The following CROCC2 variants were observed in gnomAD, a reference collection of about 807,000 sequenced individuals.
CROCC2 encodes the protein ciliary rootlet coiled-coil protein 2.
In CROCC2, 163 loss-of-function variants were observed where a neutral mutation model predicts 177.6. The observed-to-expected ratio is 0.92, with a 90% CI of 0.81 to 1.05. The LOEUF (loss-of-function observed/expected upper bound fraction) is 1.05. Ranked by LOEUF, CROCC2 falls within the 50% of genes least tolerant of loss-of-function variation. The pLI, the probability that CROCC2 is intolerant of heterozygous loss-of-function variation, is 0.00. For synonymous variants in CROCC2, 904 were observed against 787.3 expected (o/e 1.15, Z -2.48); for missense variants, 1,929 against 1,797.8 (o/e 1.07, Z -1.32).
chr2:240,970,052 A>G (rs902297022), intron 27 of CROCC2, among the ~76,000 whole-genome samples: 1 of 152,126 alleles, frequency 6.6e-6, no homozygotes, highest in African/African-American at 2.4e-5. Flanking sequence ...TTTTAAATCA[A>G]CCTTTACAAA....
At chr2:240,988,162 A>G (rs2059852730) in intron 28 of CROCC2, among the ~76,000 whole-genome samples, 1 of 152,112 alleles carries the variant, frequency 6.6e-6, no homozygotes, top group Non-Finnish European at 1.5e-5. Flanking sequence ...CCTGACCTGT[A>G]CCCATGGGGT....
At chr2:240,988,914 C>A (rs1438097248) in intron 29 of CROCC2, 44 bp downstream of exon 29, 4 of 1,357,760 alleles carry the variant, frequency 2.9e-6, no homozygotes, top group South Asian at 3.9e-5. Flanking sequence ...GGCCTGGGGG[C>A]AGACCTGGGG....
rs554628421 is a variant in CROCC2 at position 240,931,067 on chromosome 2, G to T, written c.886G>T (p.Ala296Ser). ...STLGQQLRDK[A>S]GEMLQLQGRW... is the part of the protein sequence containing the mutation. The stretch of plus-strand genomic sequence containing the variant: ...CCTGGGGCAGCAGCTTCGGGACAAG[G>T]CTGGGGAGATGCTGCAGCTGCAGGG... Residue 296 changes from alanine to serine, a missense_variant, in exon 7 of 32, where the codon GCT (alanine) becomes TCT (serine). Ala to Ser is a moderately conservative substitution (Grantham distance 99). Coordinates refer to ENST00000690015, the MANE Select transcript of CROCC2 (RefSeq NM_001351305.2). 1.6e-4 allele frequency: 115 copies of T among 716,374 alleles called. 1 individual carries two copies. Among genetic ancestry groups the T allele is most frequent in the Non-Finnish European group, 6.5e-5 (25 of 384,660 alleles). 44.4% of individuals were successfully genotyped at this position (716,374 alleles called of 1,614,324 possible).
intron 20 of CROCC2, 64 bp from the exon 21 acceptor site, chr2:240,963,492 C>G: frequency 1.4e-6 from 2 of 1,426,070 alleles, no homozygotes; most frequent in Non-Finnish European, 1.9e-6. Context: ...GGCCACAGGC[C>G]CCTGTGGCTA....
chr2:240,983,671 C>T (rs1424798132), intron 28 of CROCC2: 5 of 1,241,678 alleles, frequency 4.0e-6, no homozygotes, highest in South Asian at 2.5e-5. Context: ...CCCACGCATG[C>T]TTCTGTGTCC....
Position 240,972,598 on chromosome 2 carries a change from G to A in CROCC2, c.4401+4336G>A, listed in dbSNP as rs1471895113. On this transcript the variant is annotated intron_variant, in intron 27 of 31. Transcript: ENST00000690015. This position sits in a 1 kb window ranked among gnomAD's most constrained non-coding sequence, Gnocchi z 7.1. The stretch of plus-strand genomic sequence containing the variant: ...GGTCTCCACAATGAGTGCAGAGGAC[G>A]TCTCTGACATTGACCAGACCTTTGT... 2.0e-5 allele frequency among the ~76,000 whole-genome samples: 3 copies of A among 151,900 alleles called. No homozygotes were observed. The highest frequency in any genetic ancestry group is 4.8e-5 in the African/African-American group (2 of 41,346).
chr2:240,932,481 G>A (rs747684555), intron 8 of CROCC2, 67 bp downstream of exon 8: 7 of 712,838 alleles, frequency 9.8e-6, no homozygotes, highest in Middle Eastern at 2.3e-4. Context: ...AGTCTCCCCT[G>A]CCACAGGAAG....
At position 240,953,836 on chromosome 2, in the gene CROCC2, A is replaced by G. The variant is rs1395773724; in HGVS notation, c.2830-2023A>G. Among the ~76,000 whole-genome samples, 1 of 152,182 alleles carries G rather than the reference A, an allele frequency of 6.6e-6. No individual in the cohort carries two copies. The highest frequency in any genetic ancestry group is 1.5e-5 in the Non-Finnish European group (1 of 68,034). On this transcript the variant is annotated intron_variant, in intron 18 of 31. Transcript: ENST00000690015. This position sits in a 1 kb window ranked among gnomAD's most constrained non-coding sequence, Gnocchi z 4.0. ...GGGGCTGTCTCCACTGGAACCCTCC[A>G]TTCTCCGACCCGCTGTGTCTGAATG...
At chr2:240,968,387 T>G in intron 27 of CROCC2, 125 bp downstream of exon 27, 1 of 1,268,128 alleles carries the variant, frequency 7.9e-7, no homozygotes. Context: ...AGGGCTTCTG[T>G]GGGTGTTCGG....
chr2:240,962,074 TCACACTCACACACACA>T (rs1280686622), intron 20 of CROCC2, among the ~76,000 whole-genome samples: 2 of 108,888 alleles, frequency 1.8e-5, no homozygotes, highest in Non-Finnish European at 3.8e-5. Context: ...TCACACGCAC[TCACACTCACACACACA>T]CACACACTCT....
chr2:240,963,240 G>A lies in CROCC2; in HGVS notation c.3088-316G>A, dbSNP rs1176175667. On this transcript the variant is annotated intron_variant, in intron 20 of 31. Transcript: ENST00000690015. ...ACAGTGCAGACACGTGTGCTGAGCC[G>A]CATCCCAGGTAGGCCTTGCTTACCA... 11 of 403,854 alleles carry A rather than the reference G, an allele frequency of 2.7e-5. No homozygotes were observed. In the East Asian group the frequency reaches 3.0e-4, roughly 11 times the overall value. 25.0% of individuals were successfully genotyped at this position (403,854 alleles called of 1,614,324 possible). A position where few individuals can be genotyped will look rare whatever the true frequency, so the allele number is the denominator to read the frequency against.
intron 27 of CROCC2, among the ~76,000 whole-genome samples, chr2:240,968,891 G>A (rs2059703135): frequency 6.6e-6 from 1 of 152,146 alleles, no homozygotes; most frequent in Admixed American, 6.5e-5. Flanking sequence ...CAGTGCTGGT[G>A]GGGAGCCCCA....
rs1014511160 is a variant in CROCC2 at position 240,968,027 on chromosome 2, CCA to C, written c.4268-100_4268-99del. ...GAGCTGCAAGGATGGACCCCCACCT[CCA>C]CGTGGGAGCCAGTCACTCAAGTCCA... On this transcript the variant is annotated intron_variant, in intron 26 of 31. Transcript: ENST00000690015. The C allele has an allele frequency of 1.3e-5, 16 of 1,226,712 alleles. No individual in the cohort carries two copies. In the African/African-American group the frequency reaches 2.5e-4, roughly 19 times the overall value. 76.0% of individuals were successfully genotyped at this position (1,226,712 alleles called of 1,614,324 possible).
At position 240,965,527 on chromosome 2, in the gene CROCC2, G is replaced by T. The variant is rs778860926; in HGVS notation, c.3603+9G>T. ...AGGGTGCCCGGAAGGAGGTGGGAGGGCTGCCTGTGGTCAGAAGGGAAGGAG... is the reference window on the plus strand; with the variant it reads ...AGGGTGCCCGGAAGGAGGTGGGAGGTCTGCCTGTGGTCAGAAGGGAAGGAG... On this transcript the variant is annotated intron_variant, in intron 23 of 31. Coordinates refer to ENST00000690015, the MANE Select transcript of CROCC2 (RefSeq NM_001351305.2). The T allele has an allele frequency of 6.5e-7, 1 of 1,550,226 alleles. No individual in the cohort carries two copies. Among genetic ancestry groups the T allele is most frequent in the South Asian group, 1.2e-5 (1 of 84,030 alleles).
Position 240,953,799 on chromosome 2 carries a change from G to A in CROCC2, c.2830-2060G>A, listed in dbSNP as rs989814165. Among the ~76,000 whole-genome samples, 12 of 103,282 alleles carry A rather than the reference G, an allele frequency of 1.2e-4. No individual in the cohort carries two copies. The highest frequency in any genetic ancestry group is 2.7e-4 in the South Asian group (1 of 3,660). 67.8% of individuals were successfully genotyped at this position (103,282 alleles called of 152,430 possible). On this transcript the variant is annotated intron_variant, in intron 18 of 31. Transcript: ENST00000690015. This position sits in a 1 kb window ranked among gnomAD's most constrained non-coding sequence, Gnocchi z 4.0. ...GAGCAAGAGCCAAAGACCTGGAGCC[G>A]CTGGCCCAGGAGGGGCTGTCTCCAC...
Position 240,964,589 on chromosome 2 carries a change from G to T in CROCC2, c.3429G>T (p.Gly1143=), listed in dbSNP as rs1337108805. 6.5e-7 allele frequency: 1 copy of T among 1,549,526 alleles called. No homozygotes were observed. Among genetic ancestry groups the T allele is most frequent in the South Asian group, 1.2e-5 (1 of 83,992 alleles). Residue 1143 remains glycine (G), a synonymous_variant, in exon 22 of 32, where the codon GGG becomes GGT. Coordinates refer to ENST00000690015, the MANE Select transcript of CROCC2 (RefSeq NM_001351305.2). ...AHLWELEQAG[G]DARQELRELH... is the part of the protein sequence containing the mutation. ...TGTGGGAGCTGGAGCAGGCAGGGGG[G>T]GACGCCCGTCAGGAGCTCCGGGAAC...
At position 240,949,712 on chromosome 2, in the gene CROCC2, C is replaced by T; in HGVS notation, c.2652+10C>T. 1 of 1,532,466 alleles carries T rather than the reference C, an allele frequency of 6.5e-7. No individual in the cohort carries two copies. The highest frequency in any genetic ancestry group is 1.2e-5 in the South Asian group (1 of 83,474). The allele number at this position is 1,532,466 out of a possible 1,614,324, so 94.9% of individuals were successfully genotyped here. A position where few individuals can be genotyped will look rare whatever the true frequency, so the allele number is the denominator to read the frequency against. On this transcript the variant is annotated intron_variant, in intron 17 of 31. Coordinates refer to ENST00000690015, the MANE Select transcript of CROCC2 (RefSeq NM_001351305.2). The surrounding 1 kb of genome is among the most constrained non-coding windows in gnomAD (Gnocchi z 4.5). ...GCTCCAAAGGGAGAAGGTCTGCTTCCCAGGAGCCCACCAGTAGCTTCCTAG... is the reference window on the plus strand; with the variant it reads ...GCTCCAAAGGGAGAAGGTCTGCTTCTCAGGAGCCCACCAGTAGCTTCCTAG...
Position 240,949,745 on chromosome 2 carries a change from C to T in CROCC2, c.2652+43C>T, listed in dbSNP as rs1258319483. ...CCACCAGTAGCTTCCTAGAAGGCTACCAGGTCCCGGGGAATGGCAGGCCCT... is the reference window on the plus strand; with the variant it reads ...CCACCAGTAGCTTCCTAGAAGGCTATCAGGTCCCGGGGAATGGCAGGCCCT... On this transcript the variant is annotated intron_variant, in intron 17 of 31. Transcript: ENST00000690015. This position sits in a 1 kb window ranked among gnomAD's most constrained non-coding sequence, Gnocchi z 4.5. 1 of 1,503,882 alleles carries T rather than the reference C, an allele frequency of 6.6e-7. No individual in the cohort carries two copies. Among genetic ancestry groups the T allele is most frequent in the Non-Finnish European group, 8.9e-7 (1 of 1,119,310 alleles). 93.2% of individuals were successfully genotyped at this position (1,503,882 alleles called of 1,614,324 possible).
chr2:240,916,400 C>T lies in CROCC2; in HGVS notation c.79-2326C>T, dbSNP rs868062998. 1.2e-3 allele frequency among the ~76,000 whole-genome samples: 126 copies of T among 103,800 alleles called. No individual in the cohort carries two copies. In the South Asian group the frequency reaches 0.026, roughly 22 times the overall value. 68.1% of individuals were successfully genotyped at this position (103,800 alleles called of 152,430 possible). A position where few individuals can be genotyped will look rare whatever the true frequency, so the allele number is the denominator to read the frequency against. On this transcript the variant is annotated intron_variant, in intron 1 of 31. Transcript: ENST00000690015. Reference sequence around the variant, plus strand: ...TCCCCCTGCGCCCCCCTGCTCGCCCCCTCCTTCCCCGGTGCCCCCCGCCCA... The same window carrying T: ...TCCCCCTGCGCCCCCCTGCTCGCCCTCTCCTTCCCCGGTGCCCCCCGCCCA...
Sources: gnomAD v4.1 joint callset for allele counts (sites outside exome capture counted in the v4.1 genomes callset) on GRCh38, gnomAD v4.1.1 for gene constraint, Gnocchi (gnomAD v3.1) non-coding constraint, MANE v1.5 for transcripts, NCBI Gene and HGNC (gene_info 2026-07-23, HGNC 2026-07-21) for gene names.